The following GRIN3A variants were observed in gnomAD, a reference collection of about 807,000 sequenced individuals.
GRIN3A encodes the protein glutamate receptor ionotropic, NMDA 3A.
In GRIN3A, 47 loss-of-function variants were observed where a neutral mutation model predicts 92.4. The ratio of observed to expected loss-of-function variants is 0.51; its 90% CI spans 0.40 to 0.65. The LOEUF (loss-of-function observed/expected upper bound fraction) is 0.65, where lower values mean the gene tolerates loss of function less well. Among genes scored for constraint, GRIN3A ranks in the 30% least tolerant of loss-of-function variants. GRIN3A has a pLI of 0.00. For synonymous variants in GRIN3A, 527 were observed against 540.6 expected (o/e 0.97, Z 0.35); for missense variants, 1,324 against 1,393.1 (o/e 0.95, Z 0.79).
At chr9:101,660,773 T>C (rs1829162683) in intron 3 of GRIN3A, among the ~76,000 whole-genome samples, 1 of 151,534 alleles carries the variant, frequency 6.6e-6, no homozygotes, top group African/African-American at 2.4e-5. Context: ...CAACAGGGGT[T>C]TTTCTCCTAT....
rs41273935 is a variant in GRIN3A, at chr9:101,737,335, G to T, written c.645C>A (p.Val215=). 3.1e-6 allele frequency: 5 copies of T among 1,614,178 alleles called. No individual in the cohort carries two copies. The highest frequency in any genetic ancestry group is 4.2e-6 in the Non-Finnish European group (5 of 1,180,032). ...CGATGCTGATCACTGGAATGTGCAG[G>T]ACTAAGCTGACCAAGTCGAGCTCCA... ...EMMELDLVSL[V]LHIPVISIVR... Residue 215 remains valine (V), a synonymous_variant, in exon 1 of 9, where the codon GTC becomes GTA. Transcript: ENST00000361820.
intron 2 of GRIN3A, among the ~76,000 whole-genome samples, chr9:101,675,476 C>T (rs1453603832): frequency 1.3e-5 from 2 of 151,912 alleles, no homozygotes; most frequent in Non-Finnish European, 2.9e-5. Flanking sequence ...AGCAACACAT[C>T]ACACATTCAA....
chr9:101,619,704 A>C (rs574769771), intron 5 of GRIN3A, among the ~76,000 whole-genome samples: 2 of 152,348 alleles, frequency 1.3e-5, no homozygotes, highest in South Asian at 2.1e-4. Context: ...AAAGCAAGTA[A>C]AAGAACAAAC....
At chr9:101,613,199 C>T (rs573111954) in intron 6 of GRIN3A, among the ~76,000 whole-genome samples, 177 bp downstream of exon 6, 1 of 152,320 alleles carries the variant, frequency 6.6e-6, no homozygotes, top group South Asian at 2.1e-4. Context: ...ACCCACATCC[C>T]TGTAAATTCC....
chr9:101,677,817 C>T (rs970782662), intron 2 of GRIN3A, among the ~76,000 whole-genome samples: 1 of 152,130 alleles, frequency 6.6e-6, no homozygotes, highest in African/African-American at 2.4e-5. Flanking sequence ...CCAAATTAAA[C>T]ATTAAATGTG....
chr9:101,607,391 A>G lies in GRIN3A; in HGVS notation c.2766+5985T>C, dbSNP rs139819978. The stretch of plus-strand genomic sequence containing the variant: ...GAAAGAGAGTGTTTAATTGCTCTAT[A>G]GCAACAGACTTACACAGGAACTGTA... On this transcript the variant is annotated intron_variant, in intron 6 of 8. Transcript: ENST00000361820. Among the ~76,000 whole-genome samples, 33 of 152,304 alleles carry G rather than the reference A, an allele frequency of 2.2e-4. 1 individual carries two copies. In the East Asian group the frequency reaches 4.8e-3, roughly 22 times the overall value.
intron 1 of GRIN3A, 138 bp downstream of exon 1, chr9:101,737,143 G>A (rs1830218063): frequency 2.8e-6 from 2 of 725,504 alleles, no homozygotes; most frequent in East Asian, 5.4e-5. Flanking sequence ...TACGAACATG[G>A]CCCAATCGTT....
chr9:101,629,089 TTAAA>T (rs1828678821), intron 3 of GRIN3A, among the ~76,000 whole-genome samples: 1 of 152,178 alleles, frequency 6.6e-6, no homozygotes, highest in Non-Finnish European at 1.5e-5. Flanking sequence ...AAGGTAATAG[TTAAA>T]TAAATTATAT....
chr9:101,665,734 CCT>C (rs1179728116), intron 3 of GRIN3A, among the ~76,000 whole-genome samples: 2 of 151,606 alleles, frequency 1.3e-5, no homozygotes, highest in African/African-American at 4.8e-5. Context: ...CTAAATTCTC[CCT>C]GATTAAAATT....
chr9:101,570,298 C>G lies in GRIN3A; in HGVS notation c.*2876G>C, dbSNP rs1827741136. 6.6e-6 allele frequency: 1 copy of G among 152,486 alleles called. No homozygotes were observed. Among genetic ancestry groups the G allele is most frequent in the Admixed American group, 6.6e-5 (1 of 15,258 alleles). The allele number at this position is 152,486 out of a possible 1,614,324, so 9.4% of individuals were successfully genotyped here. A position where few individuals can be genotyped will look rare whatever the true frequency, so the allele number is the denominator to read the frequency against. On this transcript the variant is annotated 3_prime_UTR_variant, in exon 9 of 9. Coordinates refer to ENST00000361820, the MANE Select transcript of GRIN3A (RefSeq NM_133445.3). ...TCTTTCTTCTTTACCAGAATACCACCCTCTATCTGAAGGCTTCTGATCTTT... is the reference window on the plus strand; with the variant it reads ...TCTTTCTTCTTTACCAGAATACCACGCTCTATCTGAAGGCTTCTGATCTTT...
At chr9:101,724,319 C>A (rs1012669771) in intron 1 of GRIN3A, among the ~76,000 whole-genome samples, 3 of 152,160 alleles carry the variant, frequency 2.0e-5, no homozygotes, top group African/African-American at 4.8e-5. Context: ...GCTGGCACTG[C>A]TGGGGGACCC....
intron 6 of GRIN3A, among the ~76,000 whole-genome samples, chr9:101,591,278 A>G (rs1482887163): frequency 1.3e-5 from 2 of 152,244 alleles, no homozygotes; most frequent in African/African-American, 4.8e-5. Flanking sequence ...TTGACAAGCA[A>G]TTTACCTCTT....
chr9:101,677,403 C>G (rs1829412546), intron 2 of GRIN3A, among the ~76,000 whole-genome samples: 1 of 151,882 alleles, frequency 6.6e-6, no homozygotes, highest in African/African-American at 2.4e-5. Flanking sequence ...CCCTCTCCCC[C>G]TTTTCTTTTT....
chr9:101,728,240 T>C (rs1439482140), intron 1 of GRIN3A, among the ~76,000 whole-genome samples: 1 of 152,138 alleles, frequency 6.6e-6, no homozygotes, highest in African/African-American at 2.4e-5. Context: ...CTGTTTGGCT[T>C]CTGGTTGAGG....
intron 8 of GRIN3A, among the ~76,000 whole-genome samples, chr9:101,574,742 G>A (rs890432787): frequency 1.3e-5 from 2 of 152,198 alleles, no homozygotes; most frequent in African/African-American, 2.4e-5. Context: ...GCAACAGAAA[G>A]TGGCAGACAT....
intron 6 of GRIN3A, among the ~76,000 whole-genome samples, chr9:101,584,927 A>G (rs913187987): frequency 1.2e-4 from 18 of 152,174 alleles, no homozygotes; most frequent in Admixed American, 4.6e-4. Flanking sequence ...TTTGTTTTTG[A>G]TGTTACTAAT....
intron 3 of GRIN3A, among the ~76,000 whole-genome samples, chr9:101,662,388 C>T (rs1397943870): frequency 1.3e-5 from 2 of 151,694 alleles, no homozygotes; most frequent in Non-Finnish European, 2.9e-5. Context: ...GTGTCAGACA[C>T]TATGCAAGGT....
At chr9:101,615,386 CTTTTTT>C (rs547717146) in intron 5 of GRIN3A, among the ~76,000 whole-genome samples, 1 of 124,292 alleles carries the variant, frequency 8.0e-6, no homozygotes, top group African/African-American at 2.9e-5. Flanking sequence ...ATTTTTGTTC[CTTTTTT>C]TTTTTTTTTT....
intron 6 of GRIN3A, chr9:101,591,789 C>T (rs1375714449): frequency 6.6e-6 from 1 of 152,158 alleles, no homozygotes; most frequent in East Asian, 1.9e-4. Context: ...GATACAGGCT[C>T]TCAGTTCAAG....
Sources: allele counts gnomAD v4.1 joint callset (sites outside exome capture counted in the v4.1 genomes callset), GRCh38; gene constraint gnomAD v4.1.1; transcripts MANE v1.5; gene names NCBI Gene and HGNC (gene_info 2026-07-23, HGNC 2026-07-21).